The following GMDS variants were observed in gnomAD, a reference collection of about 807,000 sequenced individuals.
GMDS encodes GDP-mannose 4,6-dehydratase.
Under a neutral mutation model 49.9 loss-of-function variants are expected in GMDS, and 20 were observed. The observed-to-expected ratio is 0.40, with a 90% confidence interval of 0.28 to 0.58. GMDS has a LOEUF of 0.58. Ranked by LOEUF, GMDS falls within the 20% of genes least tolerant of loss-of-function variation. The probability of loss-of-function intolerance (pLI) is 0.42; values close to 1 mark genes in which losing one functional copy is unlikely to be tolerated. For synonymous variants in GMDS, 177 were observed against 178.6 expected (o/e 0.99, Z 0.07); for missense variants, 362 against 481.4 (o/e 0.75, Z 2.32).
At chr6:1,688,520 CGT>C (rs1370742460) in intron 9 of GMDS, among the ~76,000 whole-genome samples, 1 of 152,186 alleles carries the variant, frequency 6.6e-6, no homozygotes, top group Non-Finnish European at 1.5e-5. Context: ...ACATCCTCTC[CGT>C]GATTCTCCTC....
chr6:1,827,120 G>GTGTA (rs1371535913), intron 7 of GMDS, among the ~76,000 whole-genome samples: 2 of 126,232 alleles, frequency 1.6e-5, no homozygotes, highest in Non-Finnish European at 3.4e-5. Context: ...GTGTGTGTGT[G>GTGTA]TATGTGTATC....
chr6:1,701,106 T>G (rs1765528403), intron 9 of GMDS, among the ~76,000 whole-genome samples: 1 of 152,164 alleles, frequency 6.6e-6, no homozygotes, highest in South Asian at 2.1e-4. Flanking sequence ...AGCGCATGCC[T>G]TTGCTAAACC....
chr6:1,788,769 G>T (rs1056565336), intron 7 of GMDS, among the ~76,000 whole-genome samples: 3 of 152,188 alleles, frequency 2.0e-5, no homozygotes, highest in African/African-American at 7.2e-5. Context: ...AAAGCCATTT[G>T]TTGGATTTTA....
chr6:2,080,448 T>G (rs1315286954), intron 4 of GMDS, among the ~76,000 whole-genome samples: 2 of 152,186 alleles, frequency 1.3e-5, no homozygotes, highest in African/African-American at 4.8e-5. Flanking sequence ...TGCCTTCAAT[T>G]TTTTGAATTT....
chr6:1,996,796 T>C (rs1403419864), intron 4 of GMDS, among the ~76,000 whole-genome samples: 1 of 152,200 alleles, frequency 6.6e-6, no homozygotes, highest in Non-Finnish European at 1.5e-5. Flanking sequence ...AGCTAAAAAA[T>C]GTAGTTCTTC....
chr6:1,646,877 G>A (rs1364828920), intron 9 of GMDS, among the ~76,000 whole-genome samples: 1 of 152,196 alleles, frequency 6.6e-6, no homozygotes, highest in African/African-American at 2.4e-5. Flanking sequence ...ACCCCATGTG[G>A]TGGGGGGTGG....
chr6:1,811,549 G>A lies in GMDS; in HGVS notation c.772-68963C>T, dbSNP rs1023879716. Reference sequence around the variant, plus strand: ...TACAATAATTAAAATATTTAGACTAGTCAAGCTTTTTTTTTTTTTTTTTTC... The same window carrying A: ...TACAATAATTAAAATATTTAGACTAATCAAGCTTTTTTTTTTTTTTTTTTC... On this transcript the variant is annotated intron_variant, in intron 7 of 10. Coordinates refer to ENST00000380815, the MANE Select transcript of GMDS (RefSeq NM_001500.4). Among the ~76,000 whole-genome samples, 10 of 139,250 alleles carry A rather than the reference G, an allele frequency of 7.2e-5. 1 individual carries two copies. 91.4% of individuals were successfully genotyped at this position (139,250 alleles called of 152,430 possible). A position where few individuals can be genotyped will look rare whatever the true frequency, so the allele number is the denominator to read the frequency against.
At chr6:2,190,017 T>C (rs1778944608) in intron 1 of GMDS, among the ~76,000 whole-genome samples, 1 of 152,186 alleles carries the variant, frequency 6.6e-6, no homozygotes, top group Admixed American at 6.5e-5. Flanking sequence ...TCCAAGTCCT[T>C]TCACTACTCC....
intron 7 of GMDS, among the ~76,000 whole-genome samples, chr6:1,752,779 C>G (rs116839606): frequency 0.021 from 3,224 of 152,214 alleles, 125 homozygotes; most frequent in Admixed American, 0.082. Context: ...CATATCCAGC[C>G]AAAGTAAGCT....
At chr6:2,070,723 C>T (rs1771940996) in intron 4 of GMDS, among the ~76,000 whole-genome samples, 1 of 152,142 alleles carries the variant, frequency 6.6e-6, no homozygotes, top group Admixed American at 6.5e-5. Context: ...ACTCCAGGGT[C>T]CCAGGACGTC....
intron 7 of GMDS, among the ~76,000 whole-genome samples, chr6:1,861,661 A>T (rs1758192924): frequency 6.6e-6 from 1 of 151,732 alleles, no homozygotes; most frequent in Admixed American, 6.6e-5. Flanking sequence ...GGCAGGAGGT[A>T]TCCCATAGGT....
chr6:1,719,521 G>A lies in GMDS; in HGVS notation c.987+6895C>T, dbSNP rs73405553. Among the ~76,000 whole-genome samples, 444 of 152,132 alleles carry A rather than the reference G, an allele frequency of 2.9e-3. 2 individuals are homozygous for A. Among genetic ancestry groups the A allele is most frequent in the African/African-American group, 9.9e-3 (411 of 41,508 alleles). On this transcript the variant is annotated intron_variant, in intron 9 of 10. Coordinates refer to ENST00000380815, the MANE Select transcript of GMDS (RefSeq NM_001500.4). ...AACGGGGTGAGAGAAACCACAGGCA[G>A]TATTATCTGTGAAATCTCCATGAAC...
chr6:1,893,590 A>G (rs1429491815), intron 7 of GMDS, among the ~76,000 whole-genome samples: 1 of 152,050 alleles, frequency 6.6e-6, no homozygotes, highest in East Asian at 1.9e-4. Flanking sequence ...CTGTTTTCCA[A>G]ATTGGCCAGT....
chr6:2,148,050 G>A (rs1269745327), intron 1 of GMDS, among the ~76,000 whole-genome samples: 1 of 151,968 alleles, frequency 6.6e-6, no homozygotes, highest in Non-Finnish European at 1.5e-5. Flanking sequence ...CCATACCATA[G>A]AATTAAACTC....
chr6:2,029,233 T>C (rs757958479), intron 4 of GMDS, among the ~76,000 whole-genome samples: 5 of 152,086 alleles, frequency 3.3e-5, no homozygotes, highest in Non-Finnish European at 7.4e-5. Context: ...TGTGTGTCTG[T>C]CTCTCACACA....
chr6:1,687,910 G>A (rs953659118), intron 9 of GMDS, among the ~76,000 whole-genome samples: 10 of 152,166 alleles, frequency 6.6e-5, no homozygotes, highest in African/African-American at 2.4e-4. Flanking sequence ...GTAAGCTGCG[G>A]GAAGGACCTG....
At chr6:1,723,142 G>A (rs1766445033) in intron 9 of GMDS, among the ~76,000 whole-genome samples, 1 of 152,060 alleles carries the variant, frequency 6.6e-6, no homozygotes, top group South Asian at 2.1e-4. Context: ...CGCCCTCTAT[G>A]GAACCACTGG....
chr6:1,704,336 G>A (rs903084147), intron 9 of GMDS, among the ~76,000 whole-genome samples: 1 of 151,914 alleles, frequency 6.6e-6, no homozygotes, highest in East Asian at 1.9e-4. Context: ...GAATGCACAG[G>A]AAACCAGGTT....
chr6:1,702,741 A>G (rs1271167658), intron 9 of GMDS, among the ~76,000 whole-genome samples: 1 of 152,202 alleles, frequency 6.6e-6, no homozygotes, highest in Non-Finnish European at 1.5e-5. Flanking sequence ...CATTTAAGCC[A>G]TCAGCACTCA....
Sources: gnomAD v4.1 joint callset for allele counts (sites outside exome capture counted in the v4.1 genomes callset) on GRCh38, gnomAD v4.1.1 for gene constraint, MANE v1.5 for transcripts, NCBI Gene and HGNC (gene_info 2026-07-23, HGNC 2026-07-21) for gene names.